WBP4: variants seen among roughly 807,000 people sequenced by gnomAD.
WBP4 encodes the protein WW domain binding protein 4.
A neutral mutation model predicts 55.4 loss-of-function variants in WBP4; 37 were observed. That is an observed-to-expected ratio of 0.67 (90% CI 0.51 to 0.88). The LOEUF (loss-of-function observed/expected upper bound fraction) is 0.88. WBP4 is among the 40% of genes least tolerant of loss of function. WBP4 has a pLI of 0.00. For missense variants in WBP4, 398 were observed against 420.8 expected (o/e 0.95, Z 0.47); for synonymous variants, 142 against 140.2 (o/e 1.01, Z -0.09).
chr13:41,079,508 C>G (rs1310995809), intron 8 of WBP4, among the ~76,000 whole-genome samples: 1 of 149,526 alleles, frequency 6.7e-6, no homozygotes, highest in Non-Finnish European at 1.5e-5. Flanking sequence ...TGCCACTGCC[C>G]TCCAGCCTGG....
At chr13:41,062,508 A>G (rs1877731898) in intron 1 of WBP4, 136 bp from the exon 2 acceptor site, 1 of 789,746 alleles carries the variant, frequency 1.3e-6, no homozygotes, top group African/African-American at 1.7e-5. Flanking sequence ...CAGATAAATA[A>G]TAAAACGACT....
chr13:41,071,798 T>C (rs1878257815), intron 6 of WBP4, among the ~76,000 whole-genome samples: 1 of 152,102 alleles, frequency 6.6e-6, no homozygotes, highest in East Asian at 1.9e-4. Context: ...ATCCCAGCAC[T>C]TTGGGAGGCT....
chr13:41,067,113 C>A (rs1020731125), intron 4 of WBP4, among the ~76,000 whole-genome samples: 2 of 152,126 alleles, frequency 1.3e-5, no homozygotes, highest in African/African-American at 4.8e-5. Context: ...CTCAGCTCGT[C>A]ACCAGTCCCA....
chr13:41,076,156 G>T lies in WBP4; in HGVS notation c.675G>T (p.Ser225=), dbSNP rs376991235. ...GTLDESKSSD[S]HSDSDGEQEA... is the part of the protein sequence containing the mutation. The stretch of plus-strand genomic sequence containing the variant: ...TAGATGAATCCAAATCATCAGATTC[G>T]CATAGTGATTCTGATGGGGAACAGG... The change falls in exon 8 of 10, where the codon TCG becomes TCT. Residue 225 remains serine, a synonymous_variant. Transcript: ENST00000379487. 19 of 1,612,640 alleles carry T rather than the reference G, an allele frequency of 1.2e-5. No homozygotes were observed. The East Asian group carries it at 4.2e-4, about 36-fold the overall frequency.
chr13:41,072,679 A>ACC lies in WBP4; in HGVS notation c.487-102_487-101dup. On this transcript the variant is annotated intron_variant, in intron 6 of 9. Coordinates refer to ENST00000379487, the MANE Select transcript of WBP4 (RefSeq NM_007187.5). Reference sequence around the variant, plus strand: ...TGGGGATGCAGATCGAGATGATATCACCAGGTGTCAGGAGGAGAGGCAAGG... The same window carrying ACC: ...TGGGGATGCAGATCGAGATGATATCACCCCAGGTGTCAGGAGGAGAGGCAAGG... 3 of 900,672 alleles carry ACC rather than the reference A, an allele frequency of 3.3e-6. No individual in the cohort carries two copies. In the South Asian group the frequency reaches 4.7e-5, roughly 14 times the overall value. 55.8% of individuals were successfully genotyped at this position (900,672 alleles called of 1,614,324 possible).
chr13:41,079,048 G>T (rs1878642210), intron 8 of WBP4, among the ~76,000 whole-genome samples: 1 of 152,072 alleles, frequency 6.6e-6, no homozygotes, highest in East Asian at 1.9e-4. Context: ...AAAACTGTTT[G>T]CAAACTATGC....
intron 5 of WBP4, among the ~76,000 whole-genome samples, chr13:41,068,985 A>G (rs757675753): frequency 2.0e-5 from 3 of 152,190 alleles, no homozygotes; most frequent in Admixed American, 6.5e-5. Flanking sequence ...ATAGCTTTAT[A>G]TTTTCTCAAT....
intron 8 of WBP4, among the ~76,000 whole-genome samples, chr13:41,079,208 C>G (rs992179980): frequency 3.9e-5 from 6 of 152,202 alleles, no homozygotes; most frequent in African/African-American, 1.2e-4. Context: ...CATCACTGAT[C>G]ATCAGAGAAA....
Position 41,080,746 on chromosome 13 carries a change from A to G in WBP4, c.857A>G (p.Lys286Arg). The change falls in exon 9 of 10, where the codon AAA becomes AGA. Residue 286 changes from lysine to arginine, a missense_variant. Lys to Arg is a conservative substitution (Grantham distance 26). Transcript: ENST00000379487. ...TTAGGTTCAAATGAAGAAAAATCGA[A>G]AACTCTTAAGAAATCAAACCCATAT... ...NSLGSNEEKS[K>R]TLKKSNPYGE... The G allele has an allele frequency of 1.2e-6, 2 of 1,606,558 alleles. No individual in the cohort carries two copies. The highest frequency in any genetic ancestry group is 1.7e-6 in the Non-Finnish European group (2 of 1,178,404).
Position 41,064,994 on chromosome 13 carries a change from A to G in WBP4, c.76-22A>G, listed in dbSNP as rs777208959. ...GATGTTTATGTAGTTTTCTTTTGTT[A>G]TTTTCTCTTTTCATTTTCAAGAGTG... On this transcript the variant is annotated intron_variant, in intron 2 of 9. Coordinates refer to ENST00000379487, the MANE Select transcript of WBP4 (RefSeq NM_007187.5). 5.2e-6 allele frequency: 8 copies of G among 1,538,978 alleles called. No individual in the cohort carries two copies. The South Asian group carries it at 1.0e-4, about 20-fold the overall frequency.
intron 5 of WBP4, 67 bp downstream of exon 5, chr13:41,068,804 T>C: frequency 7.1e-7 from 1 of 1,402,228 alleles, no homozygotes; most frequent in Non-Finnish European, 9.4e-7. Flanking sequence ...ATTTATTTTA[T>C]GTTAGGATTT....
Position 41,082,784 on chromosome 13 carries a change from A to C in WBP4, c.1001A>C (p.Lys334Thr), listed in dbSNP as rs772685528. 6.2e-7 allele frequency: 1 copy of C among 1,614,118 alleles called. No individual in the cohort carries two copies. Among genetic ancestry groups the C allele is most frequent in the East Asian group, 2.2e-5 (1 of 44,868 alleles). Residue 334 changes from lysine (K) to threonine (T), a missense_variant, in exon 10 of 10, where the codon AAA becomes ACA. Lys to Thr is a moderately conservative substitution (Grantham distance 78). Coordinates refer to ENST00000379487, the MANE Select transcript of WBP4 (RefSeq NM_007187.5). ...GAAGCTGATGGTGGCGGAGAACCCA[A>C]AGTGGTATTTAAAGAAAAAACAGTC... Reference protein sequence around the residue: ...TSEADGGGEPKVVFKEKTVTS... With the variant: ...TSEADGGGEPTVVFKEKTVTS...
intron 8 of WBP4, among the ~76,000 whole-genome samples, chr13:41,078,618 G>A (rs1035034712): frequency 2.0e-4 from 30 of 152,118 alleles, no homozygotes; most frequent in Admixed American, 1.2e-3. Context: ...ACCTGAGGTC[G>A]AGAGTTAAAG....
At chr13:41,082,347 C>A (rs563717001) in intron 9 of WBP4, among the ~76,000 whole-genome samples, 1 of 152,218 alleles carries the variant, frequency 6.6e-6, no homozygotes, top group South Asian at 2.1e-4. Flanking sequence ...CTCCTGAGCT[C>A]AAGTGATCCT....
rs904624177 is a variant in WBP4 at position 41,080,947 on chromosome 13, C to T, written c.920+138C>T. 15 of 937,572 alleles carry T rather than the reference C, an allele frequency of 1.6e-5. No homozygotes were observed. The East Asian group carries it at 3.7e-4, about 23-fold the overall frequency. The allele number at this position is 937,572 out of a possible 1,614,324, so 58.1% of individuals were successfully genotyped here. A position where few individuals can be genotyped will look rare whatever the true frequency, so the allele number is the denominator to read the frequency against. On this transcript the variant is annotated intron_variant, in intron 9 of 9. Coordinates refer to ENST00000379487, the MANE Select transcript of WBP4 (RefSeq NM_007187.5). ...TTGAGGCCAGATGCACCCCTGTAAT[C>T]CCAGCACTTTGGGAGGCTGAGGTGG... is the stretch of plus-strand genomic sequence containing the variant.
intron 1 of WBP4, 23 bp from the exon 2 acceptor site, chr13:41,062,621 G>T: frequency 1.2e-6 from 2 of 1,610,246 alleles, no homozygotes; most frequent in Non-Finnish European, 1.7e-6. Context: ...CATGAGCTTA[G>T]CCTTGTTGTC....
rs765157531 is a variant in WBP4 at position 41,061,650 on chromosome 13, A to C, written c.-24A>C. The C allele has an allele frequency of 2.5e-6, 4 of 1,614,044 alleles. No homozygotes were observed. The highest frequency in any genetic ancestry group is 2.5e-6 in the Non-Finnish European group (3 of 1,180,038). On this transcript the variant is annotated 5_prime_UTR_variant, in exon 1 of 10. Transcript: ENST00000379487. ...GCGAGTCTGAGTGGAACCCTGGACGACTTGCAGAGCGGCTGGCGCAGTCAT... is the reference window on the plus strand; with the variant it reads ...GCGAGTCTGAGTGGAACCCTGGACGCCTTGCAGAGCGGCTGGCGCAGTCAT...
chr13:41,065,289 TAA>T lies in WBP4; in HGVS notation c.262+22_262+23del, dbSNP rs58699334. 101,416 of 1,158,606 alleles carry T rather than the reference TAA, an allele frequency of 0.088. 6 individuals are homozygous for T. The highest frequency in any genetic ancestry group is 0.15 in the East Asian group (4,564 of 30,916). 71.8% of individuals were successfully genotyped at this position (1,158,606 alleles called of 1,614,324 possible). A position where few individuals can be genotyped will look rare whatever the true frequency, so the allele number is the denominator to read the frequency against. ...TGAAAAGACTTGGCTTAGAGTCAGG[TAA>T]AAAAAAAAAAAAAAAAAAAGCAGCC... On this transcript the variant is annotated splice_donor_region_variant and intron_variant, in intron 4 of 9. Coordinates refer to ENST00000379487, the MANE Select transcript of WBP4 (RefSeq NM_007187.5).
At chr13:41,077,914 A>G (rs1878575607) in intron 8 of WBP4, among the ~76,000 whole-genome samples, 1 of 152,164 alleles carries the variant, frequency 6.6e-6, no homozygotes, top group Non-Finnish European at 1.5e-5. Flanking sequence ...CAAAAAAAAA[A>G]TCTCGGAATA....
Sources: gnomAD v4.1 joint callset for allele counts (sites outside exome capture counted in the v4.1 genomes callset) on GRCh38, gnomAD v4.1.1 for gene constraint, MANE v1.5 for transcripts, NCBI Gene and HGNC (gene_info 2026-07-23, HGNC 2026-07-21) for gene names.